Variants in TIAM1 observed in about 807,000 individuals in gnomAD.
TIAM1 encodes rho guanine nucleotide exchange factor TIAM1.
In TIAM1, 65 loss-of-function variants were observed where a neutral mutation model predicts 163.5. That is an observed-to-expected ratio of 0.40 (90% CI 0.33 to 0.49). The LOEUF is 0.49. Ranked by LOEUF, TIAM1 falls within the 20% of genes least tolerant of loss-of-function variation. TIAM1 has a pLI of 0.77. For synonymous variants in TIAM1, 833 were observed against 810.1 expected (o/e 1.03, Z -0.48); for missense variants, 1,789 against 2,044.7 (o/e 0.87, Z 2.41).
chr21:31,440,444 C>T (rs1416336652), intron 2 of TIAM1, among the ~76,000 whole-genome samples: 1 of 152,140 alleles, frequency 6.6e-6, no homozygotes, highest in Non-Finnish European at 1.5e-5. Flanking sequence ...ATTCCTGACA[C>T]AAAATAAACC....
intron 4 of TIAM1, among the ~76,000 whole-genome samples, chr21:31,261,976 C>A (rs978889776): frequency 4.6e-5 from 7 of 152,164 alleles, no homozygotes; most frequent in Non-Finnish European, 1.0e-4. Context: ...CACAAGCATG[C>A]ACAACGGCTC....
At chr21:31,296,666 AT>A (rs974598977) in intron 2 of TIAM1, among the ~76,000 whole-genome samples, 112 of 147,034 alleles carry the variant, frequency 7.6e-4, no homozygotes, top group African/African-American at 2.3e-3. Flanking sequence ...TTGGACTGGA[AT>A]TTTTTTTTTT....
chr21:31,375,116 C>G (rs2076661865), intron 2 of TIAM1, among the ~76,000 whole-genome samples: 2 of 152,206 alleles, frequency 1.3e-5, no homozygotes, highest in African/African-American at 2.4e-5. Flanking sequence ...CACTTTTGAA[C>G]TCTTAATTTT....
chr21:31,182,531 G>A lies in TIAM1; in HGVS notation c.2777C>T (p.Thr926Ile). The A allele has an allele frequency of 2.5e-6, 4 of 1,614,054 alleles. No homozygotes were observed. Among genetic ancestry groups the A allele is most frequent in the Non-Finnish European group, 3.4e-6 (4 of 1,179,974 alleles). The part of the protein sequence containing the change: ...SQPSLGLLVR[T>I]YPELEEGVEL... ...CACTCCTTCCTCCAGCTCGGGGTAG[G>A]TCCTCACCAGGAGGCCCAGCGAGGG... Residue 926 changes from threonine to isoleucine, a missense_variant, in exon 15 of 28, where the codon ACC becomes ATC. Physicochemically the swap from Thr to Ile is moderately conservative, Grantham distance 89. Around this residue, in one of 5 missense-constraint regions of TIAM1, gnomAD observed 303 missense variants for 321.3 expected, o/e 0.94. Coordinates refer to ENST00000541036, the MANE Select transcript of TIAM1 (RefSeq NM_001353694.2).
upstream of TIAM1, among the ~76,000 whole-genome samples, chr21:31,347,824 G>A (rs1190745026): frequency 4.8e-5 from 7 of 144,350 alleles, no homozygotes; most frequent in African/African-American, 1.8e-4. Context: ...ATGCACGAAC[G>A]TTCAGAGAAA....
At position 31,323,058 on chromosome 21, in the gene TIAM1, G is replaced by A. The variant is rs543274283; in HGVS notation, c.-189+16185C>T. On this transcript the variant is annotated intron_variant, in intron 2 of 27. Transcript: ENST00000541036. ...TAATCCCAGCATTTTGGGAGGCTGA[G>A]GCATGTGGATCATGAGGTCAAGAGA... is the stretch of plus-strand genomic sequence containing the variant. 3.3e-5 allele frequency among the ~76,000 whole-genome samples: 5 copies of A among 151,134 alleles called. No homozygotes were observed. In the East Asian group the frequency reaches 1.0e-3, roughly 30 times the overall value.
At chr21:31,189,555 A>G (rs929463377) in intron 13 of TIAM1, among the ~76,000 whole-genome samples, 6 of 152,224 alleles carry the variant, frequency 3.9e-5, no homozygotes, top group South Asian at 4.1e-4. Flanking sequence ...GATAATGGGC[A>G]TAAGTTCCTT....
chr21:31,155,454 CACT>C (rs2083570243), intron 16 of TIAM1, among the ~76,000 whole-genome samples: 1 of 152,040 alleles, frequency 6.6e-6, no homozygotes, highest in Admixed American at 6.5e-5. Flanking sequence ...AAATTTAATT[CACT>C]AATATTTGTT....
rs71193103 is a variant in TIAM1, at chr21:31,353,835, C to CTTTTTTTTTTTT, written c.-368-14425_-368-14414dup. ...TGTTTTTATTTATTTATTTATTTAT[C>CTTTTTTTTTTTT]TTTTTTTTTTTTTTTTTTTTTGAGA... On this transcript the variant is annotated intron_variant, in intron 2 of 28. Transcript: ENST00000286827. Among the ~76,000 whole-genome samples the CTTTTTTTTTTTT allele has an allele frequency of 1.1e-3, 81 of 71,248 alleles. 10 individuals are homozygous for CTTTTTTTTTTTT. Among genetic ancestry groups the CTTTTTTTTTTTT allele is most frequent in the South Asian group, 2.7e-3 (4 of 1,486 alleles). The allele number at this position is 71,248 out of a possible 152,430, so 46.7% of individuals were successfully genotyped here. A position where few individuals can be genotyped will look rare whatever the true frequency, so the allele number is the denominator to read the frequency against.
At chr21:31,473,886 T>A (rs2045845326) in intron 1 of TIAM1, among the ~76,000 whole-genome samples, 1 of 152,094 alleles carries the variant, frequency 6.6e-6, no homozygotes, top group Non-Finnish European at 1.5e-5. Context: ...TGCACTGCTA[T>A]AAAAAAACAC....
At position 31,474,639 on chromosome 21, in the gene TIAM1, G is replaced by A. The variant is rs185195847; in HGVS notation, c.-421-10604C>T. ...CGGCTCACCGCAACCTCCGCCTCCC[G>A]GGTTCAAGCGATTCTCCTGCCTCAG... On this transcript the variant is annotated intron_variant, in intron 1 of 28. Coordinates refer to the TIAM1 transcript ENST00000286827. Among the ~76,000 whole-genome samples, 812 of 151,114 alleles carry A rather than the reference G, an allele frequency of 5.4e-3. 5 individuals are homozygous for A. The highest frequency in any genetic ancestry group is 8.5e-3 in the Non-Finnish European group (580 of 67,860).
chr21:31,490,033 C>G (rs1384208033), intron 1 of TIAM1, among the ~76,000 whole-genome samples: 2 of 152,174 alleles, frequency 1.3e-5, no homozygotes, highest in African/African-American at 2.4e-5. Flanking sequence ...AAAAGTGTGC[C>G]TTTCCAATTT....
intron 2 of TIAM1, among the ~76,000 whole-genome samples, chr21:31,327,182 C>T (rs1403747224): frequency 6.6e-6 from 1 of 152,146 alleles, no homozygotes; most frequent in Non-Finnish European, 1.5e-5. Flanking sequence ...AGAGCATGTG[C>T]AGGGAGGAGG....
chr21:31,414,290 A>T (rs979853746), intron 2 of TIAM1, among the ~76,000 whole-genome samples: 1 of 152,180 alleles, frequency 6.6e-6, no homozygotes, highest in Non-Finnish European at 1.5e-5. Context: ...AAGTGTCCGT[A>T]AGAAAAGCAT....
intron 2 of TIAM1, among the ~76,000 whole-genome samples, chr21:31,354,340 G>T (rs1040298682): frequency 2.6e-5 from 4 of 152,130 alleles, no homozygotes; most frequent in African/African-American, 9.7e-5. Flanking sequence ...TCTGAGAAAG[G>T]TGAGTGAACA....
intron 14 of TIAM1, among the ~76,000 whole-genome samples, chr21:31,184,462 T>C (rs2085187470): frequency 1.3e-5 from 2 of 152,002 alleles, no homozygotes; most frequent in Admixed American, 1.3e-4. Context: ...ACACGCCAGG[T>C]GTTGGGATCG....
chr21:31,346,698 C>T (rs1342905539), upstream of TIAM1, among the ~76,000 whole-genome samples: 1 of 152,186 alleles, frequency 6.6e-6, no homozygotes. Flanking sequence ...CCACACACAA[C>T]AGGAAGGCGC....
intron 1 of TIAM1, among the ~76,000 whole-genome samples, chr21:31,517,886 A>G (rs1331149786): frequency 6.6e-6 from 1 of 152,204 alleles, no homozygotes; most frequent in Non-Finnish European, 1.5e-5. Context: ...TCACTCCTCC[A>G]TGATCAACTT....
At chr21:31,187,762 C>G (rs935350398) in intron 13 of TIAM1, among the ~76,000 whole-genome samples, 1 of 152,120 alleles carries the variant, frequency 6.6e-6, no homozygotes, top group Non-Finnish European at 1.5e-5. Context: ...CCGAGGTATT[C>G]TACGTGGCTT....
Sources: gnomAD v4.1 joint callset for allele counts (sites outside exome capture counted in the v4.1 genomes callset) on GRCh38, gnomAD v4.1.1 for gene constraint, gnomAD v4.1.1 regional missense constraint, MANE v1.5 for transcripts, NCBI Gene and HGNC (gene_info 2026-07-23, HGNC 2026-07-21) for gene names.